The following VWC2L variants were observed in gnomAD, a reference collection of about 807,000 sequenced individuals.
The protein encoded by VWC2L is von Willebrand factor C domain containing 2 like, also known as von Willebrand factor C domain-containing protein 2-like.
A neutral mutation model predicts 21.6 loss-of-function variants in VWC2L; 10 were observed. The observed-to-expected ratio is 0.46, with a 90% CI of 0.29 to 0.78. The LOEUF is 0.78. Ranked by LOEUF, VWC2L falls within the 30% of genes least tolerant of loss-of-function variation. The pLI is 0.10. For missense variants in VWC2L, 209 were observed against 277.1 expected (o/e 0.75, Z 1.74); for synonymous variants, 96 against 94.3 (o/e 1.02, Z -0.10).
intron 3 of VWC2L, chr2:214,536,892 T>A (rs2105918886): frequency 6.6e-6 from 1 of 151,996 alleles, no homozygotes; most frequent in South Asian, 2.1e-4. Flanking sequence ...TACTTGAAAT[T>A]CCCAAGCATG....
intron 3 of VWC2L, among the ~76,000 whole-genome samples, chr2:214,494,433 C>A (rs1688784795): frequency 6.6e-6 from 1 of 152,124 alleles, no homozygotes; most frequent in South Asian, 2.1e-4. Context: ...ATTTTAGCAG[C>A]AAAGTAAACA....
chr2:214,489,488 G>A lies in VWC2L; in HGVS notation c.520+52730G>A, dbSNP rs542841385. On this transcript the variant is annotated intron_variant, in intron 3 of 3. Transcript: ENST00000312504. ...GTGGTGATGACAAGAAGGGGATAGA[G>A]TACAGAGATTTTAAATATGTTAAAT... Among the ~76,000 whole-genome samples, 12 of 152,284 alleles carry A rather than the reference G, an allele frequency of 7.9e-5. No individual in the cohort carries two copies. The South Asian group carries it at 2.1e-3, about 26-fold the overall frequency.
chr2:214,524,655 C>G (rs1689299063), intron 3 of VWC2L, among the ~76,000 whole-genome samples: 1 of 152,178 alleles, frequency 6.6e-6, no homozygotes, highest in Non-Finnish European at 1.5e-5. Flanking sequence ...ATGGTCCCTG[C>G]CTGAACCTAA....
chr2:214,460,566 G>C (rs1703125123), intron 3 of VWC2L, among the ~76,000 whole-genome samples: 1 of 151,878 alleles, frequency 6.6e-6, no homozygotes, highest in African/African-American at 2.4e-5. Flanking sequence ...TATAGTTGAA[G>C]CTATTGATGG....
chr2:214,536,472 A>G (rs1156709302), intron 3 of VWC2L, among the ~76,000 whole-genome samples: 1 of 152,048 alleles, frequency 6.6e-6, no homozygotes, highest in African/African-American at 2.4e-5. Context: ...TTAATCCACC[A>G]TCGGAAATTT....
At chr2:214,458,103 T>G (rs1306229138) in intron 3 of VWC2L, among the ~76,000 whole-genome samples, 1 of 152,116 alleles carries the variant, frequency 6.6e-6, no homozygotes, top group African/African-American at 2.4e-5. Flanking sequence ...GGGAGACTTT[T>G]TATAACTGAT....
At chr2:214,523,033 A>G (rs1048667122) in intron 3 of VWC2L, among the ~76,000 whole-genome samples, 9 of 152,244 alleles carry the variant, frequency 5.9e-5, no homozygotes, top group Non-Finnish European at 1.3e-4. Context: ...TTAACAAACT[A>G]GACTTTATTG....
intron 3 of VWC2L, among the ~76,000 whole-genome samples, chr2:214,442,822 A>G (rs928265085): frequency 6.6e-6 from 1 of 152,202 alleles, no homozygotes; most frequent in African/African-American, 2.4e-5. Flanking sequence ...TACATTGCTT[A>G]TGATTATTAA....
chr2:214,571,981 T>A (rs1475511777), intron 3 of VWC2L, among the ~76,000 whole-genome samples: 1 of 151,984 alleles, frequency 6.6e-6, no homozygotes, highest in Non-Finnish European at 1.5e-5. Context: ...AAGGTCTCAC[T>A]ATGTTGCCCA....
chr2:214,461,766 A>T (rs1422538237), intron 3 of VWC2L, among the ~76,000 whole-genome samples: 1 of 152,092 alleles, frequency 6.6e-6, no homozygotes, highest in African/African-American at 2.4e-5. Flanking sequence ...CCCTAACAGC[A>T]TGGTTAGGAG....
At chr2:214,431,117 G>A (rs937346407) in intron 2 of VWC2L, among the ~76,000 whole-genome samples, 3 of 152,156 alleles carry the variant, frequency 2.0e-5, no homozygotes, top group East Asian at 1.9e-4. Flanking sequence ...GCAAATTACC[G>A]GCTACGGGAG....
Position 214,575,801 on chromosome 2 carries a change from A to G in VWC2L, c.650A>G (p.Gln217Arg). ...KPAQCSKREC[Q>R]GKQTV ...GCTCAGTGTTCGAAACGTGAATGCC[A>G]AGGCAAGCAGACTGTGTAGGACAAA... is the stretch of plus-strand genomic sequence containing the variant. The change falls in exon 4 of 4, where the codon CAA (glutamine) becomes CGA (arginine). Residue 217 changes from glutamine to arginine, a missense_variant. Transcript: ENST00000312504. 6.2e-7 allele frequency: 1 copy of G among 1,613,368 alleles called. No homozygotes were observed. Among genetic ancestry groups the G allele is most frequent in the Non-Finnish European group, 8.5e-7 (1 of 1,179,404 alleles).
intron 3 of VWC2L, among the ~76,000 whole-genome samples, chr2:214,506,995 GA>G (rs1219570029): frequency 2.6e-5 from 4 of 151,552 alleles, no homozygotes; most frequent in Admixed American, 1.3e-4. Context: ...ATGTTCTATG[GA>G]AAAAAATGAG....
At chr2:214,575,560 A>T in intron 3 of VWC2L, 112 bp from the exon 4 acceptor site, 1 of 1,173,432 alleles carries the variant, frequency 8.5e-7, no homozygotes, top group Non-Finnish European at 1.2e-6. Flanking sequence ...ATGATAAGTC[A>T]GTAGAGTAGT....
intron 3 of VWC2L, among the ~76,000 whole-genome samples, chr2:214,559,615 ATTT>A (rs148202293): frequency 7.0e-6 from 1 of 142,408 alleles, no homozygotes; most frequent in African/African-American, 2.5e-5. Context: ...TTCTTTTTTC[ATTT>A]TTTTTTTTTT....
At chr2:214,545,866 T>C (rs989158097) in intron 3 of VWC2L, among the ~76,000 whole-genome samples, 1 of 152,140 alleles carries the variant, frequency 6.6e-6, no homozygotes, top group African/African-American at 2.4e-5. Context: ...TCTTTCTCAC[T>C]CCCACACTGT....
chr2:214,505,207 T>C (rs1574602936), intron 3 of VWC2L, among the ~76,000 whole-genome samples: 2 of 152,206 alleles, frequency 1.3e-5, no homozygotes, highest in East Asian at 3.9e-4. Context: ...TCAGGGAGTA[T>C]TGCATCAGTT....
At chr2:214,562,898 C>A (rs1461096752) in intron 3 of VWC2L, among the ~76,000 whole-genome samples, 3 of 152,200 alleles carry the variant, frequency 2.0e-5, no homozygotes, top group South Asian at 4.2e-4. Flanking sequence ...AATTTTCTTC[C>A]ACTCTGTAGG....
At position 214,567,606 on chromosome 2, in the gene VWC2L, A is replaced by AGT. The variant is rs1263275911; in HGVS notation, c.521-8065_521-8064insTG. The stretch of plus-strand genomic sequence containing the variant: ...CACACACACACACACAGAGAGAGAG[A>AGT]GAGAGAGAGATAATTAAAACATCAT... On this transcript the variant is annotated intron_variant, in intron 3 of 3. Transcript: ENST00000312504. Among the ~76,000 whole-genome samples the AGT allele has an allele frequency of 7.2e-4, 109 of 151,172 alleles. 4 individuals carry two copies. The highest frequency in any genetic ancestry group is 3.6e-3 in the South Asian group (17 of 4,746).
Sources: gnomAD v4.1 joint callset for allele counts (sites outside exome capture counted in the v4.1 genomes callset) on GRCh38, gnomAD v4.1.1 for gene constraint, MANE v1.5 for transcripts, NCBI Gene and HGNC (gene_info 2026-07-23, HGNC 2026-07-21) for gene names.